The following CMKLR2 variants were observed in gnomAD, a reference collection of about 807,000 sequenced individuals.
CMKLR2 encodes chemerin-like receptor 2.
In CMKLR2, 18 loss-of-function variants were observed where a neutral mutation model predicts 23.0. The ratio of observed to expected loss-of-function variants is 0.78; its 90% CI spans 0.54 to 1.16. The LOEUF (loss-of-function observed/expected upper bound fraction) is 1.16. Among genes scored for constraint, CMKLR2 ranks in the 50% most tolerant of loss-of-function variants. CMKLR2 has a pLI of 0.00. For missense variants in CMKLR2, 401 were observed against 412.7 expected (o/e 0.97, Z 0.25); for synonymous variants, 158 against 158.9 (o/e 0.99, Z 0.05).
chr2:206,191,999 C>T (rs1040495549), intron 1 of CMKLR2, among the ~76,000 whole-genome samples: 1 of 151,850 alleles, frequency 6.6e-6, no homozygotes, highest in Non-Finnish European at 1.5e-5. Context: ...CACCACCACA[C>T]CTGGCTAATT....
At chr2:206,182,778 C>G (rs1024212958) in intron 1 of CMKLR2, among the ~76,000 whole-genome samples, 1 of 152,154 alleles carries the variant, frequency 6.6e-6, no homozygotes, top group South Asian at 2.1e-4. Context: ...CACCATGCCC[C>G]GCTAATTTTT....
At chr2:206,203,041 G>T (rs1689158795) in intron 1 of CMKLR2, among the ~76,000 whole-genome samples, 2 of 151,790 alleles carry the variant, frequency 1.3e-5, no homozygotes, top group South Asian at 4.2e-4. Context: ...CCCAGGCCGG[G>T]CACGGTGGCT....
intron 1 of CMKLR2, among the ~76,000 whole-genome samples, chr2:206,197,067 G>A (rs1409325653): frequency 3.9e-5 from 6 of 152,006 alleles, no homozygotes; most frequent in African/African-American, 1.2e-4. Flanking sequence ...GCACCACCAC[G>A]CCCAGCTAAT....
intron 1 of CMKLR2, among the ~76,000 whole-genome samples, chr2:206,193,671 A>T (rs977837678): frequency 2.0e-5 from 3 of 152,234 alleles, no homozygotes; most frequent in African/African-American, 7.2e-5. Flanking sequence ...GGAAGCAAGC[A>T]TCATAGCAGG....
upstream of CMKLR2, chr2:206,217,443 A>T (rs770015988): frequency 4.6e-5 from 7 of 152,196 alleles, no homozygotes; most frequent in Non-Finnish European, 8.8e-5. Flanking sequence ...ATCCACTTAA[A>T]GCAGAGAATT....
At chr2:206,179,582 G>T (rs1376683863) in intron 1 of CMKLR2, among the ~76,000 whole-genome samples, 1 of 151,838 alleles carries the variant, frequency 6.6e-6, no homozygotes, top group East Asian at 1.9e-4. Context: ...ACCCACCTGG[G>T]CCTCCCAAAG....
At chr2:206,182,764 C>T (rs1688455365) in intron 1 of CMKLR2, among the ~76,000 whole-genome samples, 2 of 152,198 alleles carry the variant, frequency 1.3e-5, no homozygotes, top group African/African-American at 4.8e-5. Context: ...GGGATTACAA[C>T]TGCCACCATG....
upstream of CMKLR2, among the ~76,000 whole-genome samples, chr2:206,216,322 C>T (rs62195403): frequency 0.48 from 72,442 of 151,840 alleles, 17,844 homozygotes; most frequent in Non-Finnish European, 0.52. Flanking sequence ...GAAGTGGTGG[C>T]GTGCACCTGT....
chr2:206,189,490 G>A (rs1204269141), intron 1 of CMKLR2, among the ~76,000 whole-genome samples: 3 of 152,010 alleles, frequency 2.0e-5, no homozygotes, highest in Non-Finnish European at 4.4e-5. Context: ...GAAAAATTAG[G>A]TGGGTGTGGT....
Position 206,176,922 on chromosome 2 carries a change from A to T in CMKLR2, c.326T>A (p.Leu109Gln). 1 of 1,614,242 alleles carries T rather than the reference A, an allele frequency of 6.2e-7. No homozygotes were observed. The highest frequency in any genetic ancestry group is 8.5e-7 in the Non-Finnish European group (1 of 1,180,036). ...MNFHWPFGIW[L>Q]CKANSFTAQL... ...GGCAGTGAAGGAATTGGCTTTGCAC[A>T]GCCAGATGCCAAAGGGCCAGTGGAA... The change falls in exon 2 of 2, where the codon CTG becomes CAG. Residue 109 changes from leucine to glutamine, a missense_variant. Physicochemically the swap from Leu to Gln is moderately radical, Grantham distance 113. Coordinates refer to ENST00000621141, the MANE Select transcript of CMKLR2 (RefSeq NM_001389445.1).
chr2:206,209,865 G>A (rs1689481427), intron 1 of CMKLR2, among the ~76,000 whole-genome samples: 1 of 151,478 alleles, frequency 6.6e-6, no homozygotes, highest in East Asian at 1.9e-4. Flanking sequence ...AGCCAGGATG[G>A]TCTCGATTTC....
At chr2:206,200,944 C>T (rs772428428) in intron 1 of CMKLR2, among the ~76,000 whole-genome samples, 1 of 152,012 alleles carries the variant, frequency 6.6e-6, no homozygotes, top group Non-Finnish European at 1.5e-5. Flanking sequence ...TTCTTCCTTG[C>T]GTTTTATTTT....
At chr2:206,189,882 C>A (rs760199997) in intron 1 of CMKLR2, among the ~76,000 whole-genome samples, 37 of 152,058 alleles carry the variant, frequency 2.4e-4, no homozygotes, top group Admixed American at 6.6e-5. Context: ...TATACTACAC[C>A]CCAGAATGTA....
At chr2:206,213,691 C>A (rs1005231617), upstream of CMKLR2, 1 of 152,136 alleles carries the variant, frequency 6.6e-6, no homozygotes, top group African/African-American at 2.4e-5. Flanking sequence ...TCTGGGTAGG[C>A]TTTTGCTTAT....
intron 1 of CMKLR2, among the ~76,000 whole-genome samples, chr2:206,183,158 C>A (rs1483134243): frequency 6.6e-6 from 1 of 152,182 alleles, no homozygotes; most frequent in East Asian, 1.9e-4. Flanking sequence ...CCTTACCTTA[C>A]AGGTGCCTAT....
At chr2:206,192,283 T>C (rs1317031039) in intron 1 of CMKLR2, among the ~76,000 whole-genome samples, 1 of 149,966 alleles carries the variant, frequency 6.7e-6, no homozygotes, top group East Asian at 1.9e-4. Context: ...ACTGGCGTTC[T>C]CTTTAAAAAA....
In CMKLR2 at chr2:206,176,481, A is replaced by T; in HGVS notation, c.767T>A (p.Val256Glu). 1 of 1,614,240 alleles carries T rather than the reference A, an allele frequency of 6.2e-7. No individual in the cohort carries two copies. The highest frequency in any genetic ancestry group is 8.5e-7 in the Non-Finnish European group (1 of 1,180,036). Residue 256 changes from valine to glutamate, a missense_variant, in exon 2 of 2, where the codon GTG becomes GAG. Coordinates refer to ENST00000621141, the MANE Select transcript of CMKLR2 (RefSeq NM_001389445.1). ...WTILVVVVAF[V>E]VCWTPYHLFS... ...CAGGTGATAAGGAGTCCAGCAAACC[A>T]CAAAGGCCACAACCACAACCAGAAT... is the stretch of plus-strand genomic sequence containing the variant.
intron 1 of CMKLR2, among the ~76,000 whole-genome samples, chr2:206,209,280 G>A (rs1689448615): frequency 6.6e-6 from 1 of 151,920 alleles, no homozygotes; most frequent in South Asian, 2.1e-4. Flanking sequence ...AGAGGTTGCA[G>A]TGAGCTGAGA....
At position 206,179,055 on chromosome 2, in the gene CMKLR2, C is replaced by CTT. The variant is rs71034421; in HGVS notation, c.-28-1782_-28-1781dup. On this transcript the variant is annotated intron_variant, in intron 1 of 1. Transcript: ENST00000621141. ...TTTATTTTGTGCCCGCTCCCTGTCC[C>CTT]TTTTTTTTTTTTTTTTTTTTTTTTT... is the stretch of plus-strand genomic sequence containing the variant. Among the ~76,000 whole-genome samples, 6 of 49,354 alleles carry CTT rather than the reference C, an allele frequency of 1.2e-4. 1 individual carries two copies. Among genetic ancestry groups the CTT allele is most frequent in the Non-Finnish European group, 2.2e-4 (6 of 27,016 alleles). 32.4% of individuals were successfully genotyped at this position (49,354 alleles called of 152,430 possible).
Sources: gnomAD v4.1 joint callset for allele counts (sites outside exome capture counted in the v4.1 genomes callset) on GRCh38, gnomAD v4.1.1 for gene constraint, MANE v1.5 for transcripts, NCBI Gene and HGNC (gene_info 2026-07-23, HGNC 2026-07-21) for gene names.